CKAP5: variants seen among roughly 807,000 people sequenced by gnomAD.
CKAP5 encodes the protein cytoskeleton-associated protein 5.
CKAP5 carries 27 observed loss-of-function variants against 232.8 expected under a neutral mutation model. That is an observed-to-expected ratio of 0.12 (90% CI 0.09 to 0.16). The LOEUF is 0.16. Ranked by LOEUF, CKAP5 falls within the 10% of genes least tolerant of loss-of-function variation. The probability of loss-of-function intolerance (pLI) is 1.00; values close to 1 mark genes in which losing one functional copy is unlikely to be tolerated. For missense variants in CKAP5, 1,838 were observed against 2,424.7 expected, an observed-to-expected ratio of 0.76 and a Z score of 5.08; for synonymous variants, 785 against 841.1, an observed-to-expected ratio of 0.93 and a Z score of 1.16.
chr11:46,756,375 C>G (rs1236375084), intron 35 of CKAP5, among the ~76,000 whole-genome samples: 1 of 151,720 alleles, frequency 6.6e-6, no homozygotes, highest in Non-Finnish European at 1.5e-5. Context: ...TTAATACAAA[C>G]AAAAAACCTG....
intron 2 of CKAP5, among the ~76,000 whole-genome samples, chr11:46,818,781 TTAC>T (rs1456173811): frequency 2.0e-5 from 3 of 152,198 alleles, no homozygotes; most frequent in African/African-American, 4.8e-5. Context: ...CTAAGAATTA[TTAC>T]TTCTTTATAA....
intron 4 of CKAP5, 69 bp from the exon 5 acceptor site, chr11:46,811,247 C>A: frequency 8.0e-7 from 1 of 1,250,352 alleles, no homozygotes; most frequent in African/African-American, 1.5e-5. Context: ...AGCTTTTCTT[C>A]ATTCAAACAT....
chr11:46,767,518 A>C (rs2065212286), intron 27 of CKAP5, 57 bp downstream of exon 27: 1 of 1,044,130 alleles, frequency 9.6e-7, no homozygotes, highest in East Asian at 2.4e-5. Flanking sequence ...AGAATGACTC[A>C]GTATATAAAA....
intron 24 of CKAP5, among the ~76,000 whole-genome samples, chr11:46,772,941 C>T (rs1402903410): frequency 1.3e-5 from 2 of 152,082 alleles, no homozygotes; most frequent in African/African-American, 4.8e-5. Context: ...GGGGTTTCAC[C>T]ATGTTTGCCA....
chr11:46,835,211 AAAAAT>A, intron 1 of CKAP5, among the ~76,000 whole-genome samples: 1 of 152,120 alleles, frequency 6.6e-6, no homozygotes. Flanking sequence ...CTAAAAAAAT[AAAAAT>A]AAAGTATAAA....
rs377690211 is a variant in CKAP5, at chr11:46,755,064, C to T, written c.4693G>A (p.Asp1565Asn). Residue 1565 changes from aspartate to asparagine, a missense_variant, in exon 36 of 44, where the codon GAT becomes AAT. Transcript: ENST00000529230. Reference sequence around the variant, plus strand: ...TTGTCTTCCTGTCTCAGGACCTCATCGATCTGATAACAAAAATTTCAAGAT... The same window carrying T: ...TTGTCTTCCTGTCTCAGGACCTCATTGATCTGATAACAAAAATTTCAAGAT... ...NTSIQALTQI[D>N]EVLRQEDKAE... 8.8e-6 allele frequency: 14 copies of T among 1,593,954 alleles called. No homozygotes were observed. The highest frequency in any genetic ancestry group is 1.2e-5 in the Non-Finnish European group (14 of 1,172,622).
At chr11:46,775,447 A>G (rs570412865) in intron 24 of CKAP5, among the ~76,000 whole-genome samples, 1 of 152,342 alleles carries the variant, frequency 6.6e-6, no homozygotes, top group East Asian at 1.9e-4. Context: ...TAGAAATACC[A>G]TTTGACCCAG....
intron 1 of CKAP5, among the ~76,000 whole-genome samples, chr11:46,837,458 T>C (rs991110802): frequency 6.6e-6 from 1 of 152,210 alleles, no homozygotes; most frequent in African/African-American, 2.4e-5. Flanking sequence ...TATATTTCTT[T>C]GCTCTAACAG....
chr11:46,837,850 G>A (rs1379629077), intron 1 of CKAP5, among the ~76,000 whole-genome samples: 1 of 152,128 alleles, frequency 6.6e-6, no homozygotes, highest in Non-Finnish European at 1.5e-5. Flanking sequence ...TGGGAAAGGA[G>A]AGACAAGAAT....
intron 35 of CKAP5, among the ~76,000 whole-genome samples, chr11:46,757,117 C>A (rs1185989600): frequency 1.3e-4 from 19 of 151,866 alleles, no homozygotes; most frequent in Admixed American, 1.2e-3. Flanking sequence ...CTGATGTTTC[C>A]CATGATTCAG....
rs532587309 is a variant in CKAP5 at position 46,743,860 on chromosome 11, A to G, written c.*163T>C. The G allele has an allele frequency of 2.0e-5, 16 of 811,984 alleles. No individual in the cohort carries two copies. In the South Asian group the frequency reaches 2.8e-4, roughly 14 times the overall value. The allele number at this position is 811,984 out of a possible 1,614,324, so 50.3% of individuals were successfully genotyped here. ...GCAGGACGCTGACAGAGAGAAGCAG[A>G]GTATGTACAAATACTTGTGCCACAA... On this transcript the variant is annotated 3_prime_UTR_variant, in exon 44 of 44. Transcript: ENST00000529230.
intron 1 of CKAP5, among the ~76,000 whole-genome samples, chr11:46,829,429 C>T (rs1939725647): frequency 6.6e-6 from 1 of 152,148 alleles, no homozygotes; most frequent in Non-Finnish European, 1.5e-5. Context: ...CTGTTAGTCC[C>T]AGCTACTCGG....
chr11:46,779,323 G>C (rs1370445378), intron 20 of CKAP5, among the ~76,000 whole-genome samples: 1 of 152,128 alleles, frequency 6.6e-6, no homozygotes, highest in African/African-American at 2.4e-5. Context: ...AGTAGAGATG[G>C]AGTTTTGCCA....
At position 46,750,602 on chromosome 11, in the gene CKAP5, A is replaced by AT; in HGVS notation, c.5469dup (p.Ser1824IlefsTer8). 1 of 1,612,752 alleles carries AT rather than the reference A, an allele frequency of 6.2e-7. No individual in the cohort carries two copies. Among genetic ancestry groups the AT allele is most frequent in the Non-Finnish European group, 8.5e-7 (1 of 1,179,374 alleles). ...AAATCATTCACTTTGGCCTTTGATG[A>AT]TTTTTCATCCTGAAAAGTTGAAAGA... On this transcript the variant is annotated frameshift_variant, in exon 41 of 44. Coordinates refer to ENST00000529230, the MANE Select transcript of CKAP5 (RefSeq NM_001008938.4). LOFTEE classifies it high-confidence loss of function.
chr11:46,797,119 C>G (rs1348728751), intron 11 of CKAP5, among the ~76,000 whole-genome samples, 179 bp from the exon 12 acceptor site: 2 of 152,152 alleles, frequency 1.3e-5, no homozygotes, highest in Admixed American at 1.3e-4. Context: ...TTGGGCCAGG[C>G]ACAGTGGTTC....
intron 37 of CKAP5, 179 bp downstream of exon 37, chr11:46,753,131 C>T: frequency 2.0e-6 from 1 of 496,768 alleles, no homozygotes; most frequent in Non-Finnish European, 3.5e-6. Context: ...ACTTCCTAGG[C>T]ACACTTAAAG....
intron 1 of CKAP5, among the ~76,000 whole-genome samples, chr11:46,834,201 A>G (rs989958226): frequency 2.6e-5 from 4 of 152,130 alleles, no homozygotes; most frequent in African/African-American, 9.7e-5. Flanking sequence ...AAACAAACCT[A>G]TATTTCAGTC....
At chr11:46,828,686 C>A (rs905348597) in intron 1 of CKAP5, among the ~76,000 whole-genome samples, 2 of 152,098 alleles carry the variant, frequency 1.3e-5, no homozygotes, top group Non-Finnish European at 2.9e-5. Context: ...ATGGATAATA[C>A]CCTGTGCTGT....
chr11:46,821,646 C>T (rs1382458066), intron 1 of CKAP5, among the ~76,000 whole-genome samples: 2 of 152,020 alleles, frequency 1.3e-5, no homozygotes, highest in African/African-American at 4.8e-5. Context: ...AGGACAGTCT[C>T]GATCCTGACC....
Sources: gnomAD v4.1 joint callset for allele counts (sites outside exome capture counted in the v4.1 genomes callset) on GRCh38, gnomAD v4.1.1 for gene constraint, MANE v1.5 for transcripts, NCBI Gene and HGNC (gene_info 2026-07-23, HGNC 2026-07-21) for gene names.